The following MARCHF1 variants were observed in gnomAD, a reference collection of about 807,000 sequenced individuals.
The protein encoded by MARCHF1 is E3 ubiquitin-protein ligase MARCHF1.
In MARCHF1, 40 loss-of-function variants were observed where a neutral mutation model predicts 54.2. That is an observed-to-expected ratio of 0.74 (90% CI 0.57 to 0.96). The LOEUF (loss-of-function observed/expected upper bound fraction) is 0.96, where lower values mean the gene tolerates loss of function less well. Ranked by LOEUF, MARCHF1 falls within the 40% of genes least tolerant of loss-of-function variation. The pLI, the probability that MARCHF1 is intolerant of heterozygous loss-of-function variation, is 0.00. For missense variants in MARCHF1, 586 were observed against 656.5 expected (o/e 0.89, Z 1.17); for synonymous variants, 236 against 236.3 (o/e 1.00, Z 0.01).
At chr4:164,025,690 C>T (rs13137769) in intron 2 of MARCHF1, among the ~76,000 whole-genome samples, 68,828 of 150,202 alleles carry the variant, frequency 0.46, 17,273 homozygotes, top group Non-Finnish European at 0.56. Flanking sequence ...AACCAGCCAA[C>T]CCCAAAGCTA....
intron 3 of MARCHF1, among the ~76,000 whole-genome samples, chr4:163,950,532 T>C (rs1161442821): frequency 6.6e-6 from 1 of 152,164 alleles, no homozygotes; most frequent in Non-Finnish European, 1.5e-5. Context: ...TCTGCAGCCC[T>C]GGCTAGACAG....
chr4:164,063,136 C>T (rs556903949), intron 2 of MARCHF1, among the ~76,000 whole-genome samples: 5 of 152,222 alleles, frequency 3.3e-5, no homozygotes, highest in African/African-American at 1.2e-4. Context: ...GTATACTTTG[C>T]GTAATTCTTA....
rs1553989397 is a variant in MARCHF1, at chr4:164,177,009, T to TATACAC, written c.-322-65348_-322-65347insGTGTAT. 3.1e-4 allele frequency among the ~76,000 whole-genome samples: 17 copies of TATACAC among 55,562 alleles called. 1 individual carries two copies. The highest frequency in any genetic ancestry group is 2.7e-3 in the Admixed American group (13 of 4,884). The allele number at this position is 55,562 out of a possible 152,430, so 36.5% of individuals were successfully genotyped here. On this transcript the variant is annotated intron_variant, in intron 1 of 9. Transcript: ENST00000514618. Reference sequence around the variant, plus strand: ...ATATATATATATATATATATATATATACAAATGATAGAATTAGGCATGTTT... The same window carrying TATACAC: ...ATATATATATATATATATATATATATATACACACAAATGATAGAATTAGGCATGTTT...
At chr4:163,831,267 T>C (rs1749017056) in intron 4 of MARCHF1, among the ~76,000 whole-genome samples, 1 of 152,134 alleles carries the variant, frequency 6.6e-6, no homozygotes, top group South Asian at 2.1e-4. Flanking sequence ...CCTCAAAGAA[T>C]TGCCAGGTTA....
At chr4:164,049,414 A>G (rs1290904347) in intron 2 of MARCHF1, among the ~76,000 whole-genome samples, 1 of 152,100 alleles carries the variant, frequency 6.6e-6, no homozygotes, top group Non-Finnish European at 1.5e-5. Context: ...ATTCATCTCA[A>G]CAATCTTGGG....
chr4:163,955,186 T>C (rs1311653703), intron 3 of MARCHF1, among the ~76,000 whole-genome samples: 1 of 146,076 alleles, frequency 6.8e-6, no homozygotes, highest in Non-Finnish European at 1.5e-5. Context: ...TTAGTTCTAA[T>C]GGCTTTCCTA....
chr4:163,873,343 C>T (rs1164656807), intron 3 of MARCHF1, among the ~76,000 whole-genome samples: 1 of 152,186 alleles, frequency 6.6e-6, no homozygotes, highest in African/African-American at 2.4e-5. Context: ...TACTGGTTCT[C>T]AATTATCTGC....
intron 3 of MARCHF1, among the ~76,000 whole-genome samples, chr4:163,962,832 A>G (rs1291803752): frequency 6.6e-6 from 1 of 151,906 alleles, no homozygotes; most frequent in African/African-American, 2.4e-5. Context: ...TTTAAAAATG[A>G]TTTAGAGCAT....
In MARCHF1 at chr4:164,209,555, A is replaced by G. The variant is rs115260106; in HGVS notation, c.-322-97893T>C. Among the ~76,000 whole-genome samples, 1,376 of 152,304 alleles carry G rather than the reference A, an allele frequency of 9.0e-3. 20 individuals carry two copies. Among genetic ancestry groups the G allele is most frequent in the African/African-American group, 0.031 (1,306 of 41,564 alleles). On this transcript the variant is annotated intron_variant, in intron 1 of 9. Coordinates refer to ENST00000514618, the MANE Select transcript of MARCHF1 (RefSeq NM_001394959.1). Reference sequence around the variant, plus strand: ...CATATGTGTTTGAAAATCCTGCAGTACAAAGCAAATACCATGATAGCAGAG... The same window carrying G: ...CATATGTGTTTGAAAATCCTGCAGTGCAAAGCAAATACCATGATAGCAGAG...
chr4:163,903,066 C>T (rs1190586840), intron 3 of MARCHF1, among the ~76,000 whole-genome samples: 1 of 152,054 alleles, frequency 6.6e-6, no homozygotes, highest in African/African-American at 2.4e-5. Context: ...AATAACTACC[C>T]ATTCTTTAAA....
At chr4:164,054,576 C>T (rs1328368824) in intron 2 of MARCHF1, among the ~76,000 whole-genome samples, 5 of 151,966 alleles carry the variant, frequency 3.3e-5, no homozygotes, top group Admixed American at 2.6e-4. Context: ...ACATATACAC[C>T]GTGGAATACT....
At chr4:163,763,603 C>T (rs1021798403) in intron 4 of MARCHF1, among the ~76,000 whole-genome samples, 1 of 151,980 alleles carries the variant, frequency 6.6e-6, no homozygotes, top group Non-Finnish European at 1.5e-5. Context: ...GACTTTCCCC[C>T]CTTACGAACT....
At chr4:164,099,231 T>C (rs1755481434) in intron 2 of MARCHF1, among the ~76,000 whole-genome samples, 1 of 152,172 alleles carries the variant, frequency 6.6e-6, no homozygotes, top group African/African-American at 2.4e-5. Flanking sequence ...AGTCAGAATA[T>C]TTCAGCAGAT....
intron 5 of MARCHF1, among the ~76,000 whole-genome samples, chr4:163,633,232 C>A (rs556713514): frequency 1.7e-4 from 26 of 152,318 alleles, no homozygotes; most frequent in African/African-American, 6.0e-4. Context: ...AGCAACGGAA[C>A]AAAGCTGGAC....
At chr4:163,943,702 C>T (rs1213575456) in intron 3 of MARCHF1, among the ~76,000 whole-genome samples, 2 of 147,092 alleles carry the variant, frequency 1.4e-5, no homozygotes, top group African/African-American at 2.5e-5. Context: ...AGAAGTTTAC[C>T]TACGTAACAA....
intron 3 of MARCHF1, among the ~76,000 whole-genome samples, chr4:163,927,143 C>T (rs1481163352): frequency 4.6e-5 from 7 of 151,620 alleles, no homozygotes; most frequent in Non-Finnish European, 1.0e-4. Context: ...TTCTTTTTTA[C>T]AATGAGGCTT....
intron 2 of MARCHF1, among the ~76,000 whole-genome samples, chr4:164,006,921 C>T (rs570607991): frequency 1.7e-3 from 209 of 123,432 alleles, no homozygotes; most frequent in South Asian, 6.6e-3. Context: ...CACAAATAAT[C>T]AAAAGCTGAG....
rs201070890 is a variant in MARCHF1, at chr4:163,763,082, G to A, written c.112-62219C>T. On this transcript the variant is annotated intron_variant, in intron 4 of 9. Coordinates refer to ENST00000514618, the MANE Select transcript of MARCHF1 (RefSeq NM_001394959.1). ...GTAGTAAAAGAGAAACCTTAAATGA[G>A]ACTTTATAGTTCCTATTTCACTATA... Among the ~76,000 whole-genome samples, 5 of 152,120 alleles carry A rather than the reference G, an allele frequency of 3.3e-5. No individual in the cohort carries two copies. In the East Asian group the frequency reaches 9.6e-4, roughly 29 times the overall value.
intron 2 of MARCHF1, among the ~76,000 whole-genome samples, chr4:164,070,644 T>C (rs1215514262): frequency 6.6e-6 from 1 of 152,224 alleles, no homozygotes; most frequent in Non-Finnish European, 1.5e-5. Context: ...CCTATAATTC[T>C]ATAGGTTATT....
Sources: allele counts gnomAD v4.1 joint callset (sites outside exome capture counted in the v4.1 genomes callset), GRCh38; gene constraint gnomAD v4.1.1; transcripts MANE v1.5; gene names NCBI Gene and HGNC (gene_info 2026-07-23, HGNC 2026-07-21).